GRB10: variants seen among roughly 807,000 people sequenced by gnomAD.
GRB10 encodes growth factor receptor-bound protein 10.
Under a neutral mutation model 80.9 loss-of-function variants are expected in GRB10, and 20 were observed. That is an observed-to-expected ratio of 0.25 (90% CI 0.17 to 0.36). The LOEUF is 0.36. Among genes scored for constraint, GRB10 ranks in the 10% least tolerant of loss-of-function variants. The pLI is 1.00. For synonymous variants in GRB10, 291 were observed against 291.5 expected (o/e 1.00, Z 0.02); for missense variants, 548 against 747.7 (o/e 0.73, Z 3.12).
intron 7 of GRB10, among the ~76,000 whole-genome samples, chr7:50,638,028 C>T (rs2055405731): frequency 6.6e-6 from 1 of 152,144 alleles, no homozygotes. Context: ...CAAACTAAAA[C>T]ATCTACAGGA....
intron 5 of GRB10, among the ~76,000 whole-genome samples, chr7:50,691,854 A>G (rs1165475783): frequency 1.3e-5 from 2 of 152,206 alleles, no homozygotes; most frequent in African/African-American, 4.8e-5. Flanking sequence ...ATCAGTGTGC[A>G]ACCGGAGACC....
Position 50,700,138 on chromosome 7 carries a change from C to CA in GRB10, c.139+3682dup, listed in dbSNP as rs796315381. Among the ~76,000 whole-genome samples the CA allele has an allele frequency of 1.5e-3, 219 of 145,158 alleles. 1 individual carries two copies. Among genetic ancestry groups the CA allele is most frequent in the African/African-American group, 5.0e-3 (200 of 39,626 alleles). On this transcript the variant is annotated intron_variant, in intron 5 of 18. Transcript: ENST00000401949. ...TGGATGACAGAGCGAGACTCCATCTCAAAAAAAAAAGAGAAATTGTTTCTT... is the reference window on the plus strand; with the variant it reads ...TGGATGACAGAGCGAGACTCCATCTCAAAAAAAAAAAGAGAAATTGTTTCTT...
At chr7:50,643,775 A>T (rs2056705286) in intron 7 of GRB10, among the ~76,000 whole-genome samples, 2 of 152,342 alleles carry the variant, frequency 1.3e-5, no homozygotes, top group Non-Finnish European at 2.9e-5. Flanking sequence ...ATAAATGTAT[A>T]TATGTGCATA....
chr7:50,755,124 T>C (rs531626251), intron 3 of GRB10, among the ~76,000 whole-genome samples: 1 of 152,338 alleles, frequency 6.6e-6, no homozygotes. Context: ...TGCGGGATAC[T>C]GCGGGGAAGC....
chr7:50,667,233 T>C (rs890405161), intron 7 of GRB10, among the ~76,000 whole-genome samples: 1 of 152,152 alleles, frequency 6.6e-6, no homozygotes, highest in Non-Finnish European at 1.5e-5. Flanking sequence ...CATAATGACA[T>C]GAATGAGGAA....
chr7:50,653,236 C>T (rs1023227566), intron 7 of GRB10, among the ~76,000 whole-genome samples: 1 of 152,146 alleles, frequency 6.6e-6, no homozygotes, highest in Non-Finnish European at 1.5e-5. Context: ...GTGCATGCTC[C>T]GAGGGAGGAC....
At chr7:50,635,476 A>G (rs1039922882) in intron 7 of GRB10, among the ~76,000 whole-genome samples, 1 of 152,138 alleles carries the variant, frequency 6.6e-6, no homozygotes, top group African/African-American at 2.4e-5. Flanking sequence ...AACTAAAAAA[A>G]CAAGAACAAA....
chr7:50,616,768 G>A (rs1207797057), intron 10 of GRB10, among the ~76,000 whole-genome samples: 1 of 152,238 alleles, frequency 6.6e-6, no homozygotes, highest in East Asian at 1.9e-4. Flanking sequence ...GTGTCCGCAA[G>A]TGATGCACCC....
Position 50,592,889 on chromosome 7 carries a change from A to C in GRB10, c.*63T>G. On this transcript the variant is annotated 3_prime_UTR_variant, in exon 19 of 19. Transcript: ENST00000401949. ...ATCGATGTGTGTTCTTCACCAACGC[A>C]CAGACCGCTTCTTCACTCCAGTGTT... 1 of 1,584,484 alleles carries C rather than the reference A, an allele frequency of 6.3e-7. No individual in the cohort carries two copies.
At chr7:50,700,013 C>T (rs1256443573) in intron 5 of GRB10, among the ~76,000 whole-genome samples, 1 of 152,066 alleles carries the variant, frequency 6.6e-6, no homozygotes, top group Admixed American at 6.5e-5. Context: ...GTGGCGGGCA[C>T]CTGTAGTCCC....
chr7:50,680,499 A>G (rs896571447), intron 5 of GRB10, among the ~76,000 whole-genome samples: 1 of 152,234 alleles, frequency 6.6e-6, no homozygotes, highest in African/African-American at 2.4e-5. Context: ...CACATCTGCA[A>G]AAGAGTCGTG....
chr7:50,680,531 C>T (rs1223323676), intron 5 of GRB10, among the ~76,000 whole-genome samples: 1 of 152,216 alleles, frequency 6.6e-6, no homozygotes, highest in Admixed American at 6.5e-5. Context: ...TGGGCAGTGG[C>T]AGGGCTCCAA....
intron 8 of GRB10, among the ~76,000 whole-genome samples, chr7:50,623,664 A>G (rs1432535621): frequency 6.6e-6 from 1 of 152,214 alleles, no homozygotes; most frequent in Non-Finnish European, 1.5e-5. Context: ...GCTGCAGGCT[A>G]TCTTGGGAAC....
chr7:50,722,844 T>A (rs75314938), intron 4 of GRB10, among the ~76,000 whole-genome samples: 6,740 of 152,106 alleles, frequency 0.044, 509 homozygotes, highest in African/African-American at 0.16. Context: ...TTATTTTTAA[T>A]CCCATTTCAC....
At chr7:50,768,232 G>T (rs775193841) in intron 2 of GRB10, among the ~76,000 whole-genome samples, 2 of 152,182 alleles carry the variant, frequency 1.3e-5, no homozygotes, top group Non-Finnish European at 2.9e-5. Flanking sequence ...CTTAGCTAAA[G>T]AAAGTAAACA....
At chr7:50,616,532 G>A (rs925933811) in intron 10 of GRB10, among the ~76,000 whole-genome samples, 185 bp from the exon 11 acceptor site, 5 of 152,144 alleles carry the variant, frequency 3.3e-5, no homozygotes, top group African/African-American at 1.2e-4. Flanking sequence ...AACATAATTC[G>A]TATTTAAACA....
At position 50,714,870 on chromosome 7, in the gene GRB10, G is replaced by T. The variant is rs187099639; in HGVS notation, c.52-10962C>A. ...TGTGAGAGTGATCAACAGAGCCAGG[G>T]TTGCCCTCCTAGCAGATCAGGGCCG... On this transcript the variant is annotated intron_variant, in intron 4 of 18. Transcript: ENST00000401949. Among the ~76,000 whole-genome samples, 21 of 152,156 alleles carry T rather than the reference G, an allele frequency of 1.4e-4. 1 individual carries two copies. The East Asian group carries it at 4.1e-3, about 29-fold the overall frequency.
At chr7:50,680,345 ATCCTC>A (rs2061405740) in intron 5 of GRB10, among the ~76,000 whole-genome samples, 1 of 152,228 alleles carries the variant, frequency 6.6e-6, no homozygotes, top group South Asian at 2.1e-4. Context: ...TGAAAATGGC[ATCCTC>A]TCCTCTCTAC....
chr7:50,746,095 C>T (rs2072843302), intron 3 of GRB10, among the ~76,000 whole-genome samples: 1 of 152,188 alleles, frequency 6.6e-6, no homozygotes. Flanking sequence ...GCTCCACAGG[C>T]AGCCTGGTTT....
Sources: gnomAD v4.1 joint callset for allele counts (sites outside exome capture counted in the v4.1 genomes callset) on GRCh38, gnomAD v4.1.1 for gene constraint, MANE v1.5 for transcripts, NCBI Gene and HGNC (gene_info 2026-07-23, HGNC 2026-07-21) for gene names.